The following CTNNA3 variants were observed in gnomAD, a reference collection of about 807,000 sequenced individuals.
CTNNA3 encodes catenin alpha-3.
Under a neutral mutation model 95.7 loss-of-function variants are expected in CTNNA3, and 76 were observed. The observed-to-expected ratio is 0.79, with a 90% CI of 0.66 to 0.96. CTNNA3 has a LOEUF of 0.96. Ranked by LOEUF, CTNNA3 falls within the 40% of genes least tolerant of loss-of-function variation. The pLI, the probability that CTNNA3 is intolerant of heterozygous loss-of-function variation, is 0.00. For synonymous variants in CTNNA3, 431 were observed against 374.4 expected (o/e 1.15, Z -1.74); for missense variants, 1,191 against 1,089.8 (o/e 1.09, Z -1.31).
chr10:66,904,743 T>G (rs1845910939), intron 7 of CTNNA3, among the ~76,000 whole-genome samples: 1 of 152,208 alleles, frequency 6.6e-6, no homozygotes, highest in Non-Finnish European at 1.5e-5. Context: ...AAGACATTTA[T>G]GCAGCAGCCA....
chr10:67,559,929 T>C (rs1329374217), intron 3 of CTNNA3, among the ~76,000 whole-genome samples: 1 of 151,450 alleles, frequency 6.6e-6, no homozygotes, highest in Admixed American at 6.6e-5. Flanking sequence ...AGAAGGGAAG[T>C]TTAGAGAAAA....
At position 67,679,473 on chromosome 10, in the gene CTNNA3, T is replaced by C. The variant is rs574349316; in HGVS notation, c.-6+16527A>G. Among the ~76,000 whole-genome samples the C allele has an allele frequency of 4.6e-4, 70 of 152,338 alleles. 1 individual carries two copies. The South Asian group carries it at 0.014, about 31-fold the overall frequency. On this transcript the variant is annotated intron_variant, in intron 1 of 17. Transcript: ENST00000433211. ...GGAAAATGAGAGTGGTAACAGAATATTGGGAATTCACAAATGTTTTCCCAT... is the reference window on the plus strand; with the variant it reads ...GGAAAATGAGAGTGGTAACAGAATACTGGGAATTCACAAATGTTTTCCCAT...
At chr10:66,324,437 T>A (rs530782133) in intron 12 of CTNNA3, among the ~76,000 whole-genome samples, 1 of 152,178 alleles carries the variant, frequency 6.6e-6, no homozygotes, top group Non-Finnish European at 1.5e-5. Flanking sequence ...ACTCTGGCCT[T>A]CTGCCCTTGC....
intron 7 of CTNNA3, among the ~76,000 whole-genome samples, chr10:66,825,525 G>A (rs1006799518): frequency 4.6e-5 from 7 of 151,818 alleles, no homozygotes; most frequent in Admixed American, 3.3e-4. Context: ...TGATCTACCC[G>A]CCTCAGCCTC....
intron 1 of CTNNA3, among the ~76,000 whole-genome samples, chr10:67,728,020 A>G (rs1180874809): frequency 7.1e-6 from 1 of 140,978 alleles, no homozygotes; most frequent in Non-Finnish European, 1.5e-5. Context: ...TATATATCAT[A>G]TATTATATAT....
At chr10:67,479,628 G>C (rs1848143293) in intron 5 of CTNNA3, among the ~76,000 whole-genome samples, 1 of 152,012 alleles carries the variant, frequency 6.6e-6, no homozygotes. Flanking sequence ...GCCTACATCA[G>C]GAATTTAGAG....
chr10:67,275,947 G>A (rs1439327685), intron 5 of CTNNA3, among the ~76,000 whole-genome samples: 1 of 152,014 alleles, frequency 6.6e-6, no homozygotes, highest in Admixed American at 6.6e-5. Flanking sequence ...AATCCGAATG[G>A]CACTGAGCAT....
chr10:66,115,787 C>T (rs1010125014), intron 13 of CTNNA3, among the ~76,000 whole-genome samples: 12 of 152,036 alleles, frequency 7.9e-5, no homozygotes, highest in Middle Eastern at 6.8e-3. Context: ...GTTCCAGCCA[C>T]GGATGTTAAG....
Position 67,539,420 on chromosome 10 carries a change from T to C in CTNNA3, c.459+83A>G, listed in dbSNP as rs1316762272. On this transcript the variant is annotated intron_variant, in intron 4 of 17. Coordinates refer to ENST00000433211, the MANE Select transcript of CTNNA3 (RefSeq NM_013266.4). Reference sequence around the variant, plus strand: ...TTAAGAAATGAGAGTGAAGCCAAGATGCACTAGGATCGACGCCAGGTTCAG... The same window carrying C: ...TTAAGAAATGAGAGTGAAGCCAAGACGCACTAGGATCGACGCCAGGTTCAG... 3 of 1,443,040 alleles carry C rather than the reference T, an allele frequency of 2.1e-6. No homozygotes were observed. In the African/African-American group the frequency reaches 4.2e-5, roughly 20 times the overall value. 89.4% of individuals were successfully genotyped at this position (1,443,040 alleles called of 1,614,324 possible).
chr10:66,542,316 T>C (rs1440826684), intron 10 of CTNNA3, among the ~76,000 whole-genome samples: 2 of 152,096 alleles, frequency 1.3e-5, no homozygotes, highest in Non-Finnish European at 1.5e-5. Flanking sequence ...TCAACCATTG[T>C]GGAAGACAGT....
chr10:66,972,002 T>C (rs1849749547), intron 7 of CTNNA3, among the ~76,000 whole-genome samples: 1 of 152,166 alleles, frequency 6.6e-6, no homozygotes. Flanking sequence ...CCCATGACTC[T>C]TGAAAATTTT....
At chr10:67,464,545 G>C (rs2133005735) in intron 5 of CTNNA3, among the ~76,000 whole-genome samples, 1 of 152,218 alleles carries the variant, frequency 6.6e-6, no homozygotes, top group Non-Finnish European at 1.5e-5. Context: ...TAGTGGCTGA[G>C]TATTAAACCT....
chr10:66,010,256 C>G (rs2078979087), intron 15 of CTNNA3, among the ~76,000 whole-genome samples: 1 of 152,010 alleles, frequency 6.6e-6, no homozygotes, highest in African/African-American at 2.4e-5. Flanking sequence ...CTGTCAATGA[C>G]CATAAGGACA....
chr10:67,353,539 T>A lies in CTNNA3; in HGVS notation c.580-133669A>T, dbSNP rs1019287332. Among the ~76,000 whole-genome samples the A allele has an allele frequency of 1.5e-4, 23 of 151,548 alleles. No homozygotes were observed. In the East Asian group the frequency reaches 4.3e-3, roughly 28 times the overall value. On this transcript the variant is annotated intron_variant, in intron 5 of 17. Coordinates refer to ENST00000433211, the MANE Select transcript of CTNNA3 (RefSeq NM_013266.4). ...AGTTAAATTTGATGTTTACTTAGAA[T>A]GCCTCCCTTGACAAGCAAATCATCA... is the stretch of plus-strand genomic sequence containing the variant.
intron 9 of CTNNA3, among the ~76,000 whole-genome samples, chr10:66,718,079 T>A (rs990975105): frequency 1.3e-5 from 2 of 151,948 alleles, no homozygotes; most frequent in African/African-American, 4.8e-5. Context: ...GGCACCAAAC[T>A]TTTATAGTTT....
chr10:67,430,862 C>A (rs1418833212), intron 5 of CTNNA3, among the ~76,000 whole-genome samples: 5 of 151,436 alleles, frequency 3.3e-5, no homozygotes, highest in African/African-American at 1.2e-4. Context: ...CACCCTCACA[C>A]ATTTCGCCTA....
At chr10:67,713,796 G>A (rs916703573) in intron 1 of CTNNA3, among the ~76,000 whole-genome samples, 1 of 152,140 alleles carries the variant, frequency 6.6e-6, no homozygotes, top group African/African-American at 2.4e-5. Flanking sequence ...GGGATGGGAG[G>A]AAAGGGGATG....
chr10:67,413,316 A>T (rs1845437778), intron 5 of CTNNA3, among the ~76,000 whole-genome samples: 2 of 152,134 alleles, frequency 1.3e-5, no homozygotes, highest in Admixed American at 6.5e-5. Flanking sequence ...CAGATAAAAC[A>T]GATTTTAAAC....
At chr10:66,485,875 T>G (rs1283295074) in intron 11 of CTNNA3, among the ~76,000 whole-genome samples, 1 of 152,114 alleles carries the variant, frequency 6.6e-6, no homozygotes. Context: ...AACAGCATGG[T>G]TGGCATAAAA....
Sources: allele counts gnomAD v4.1 joint callset (sites outside exome capture counted in the v4.1 genomes callset), GRCh38; gene constraint gnomAD v4.1.1; transcripts MANE v1.5; gene names NCBI Gene and HGNC (gene_info 2026-07-23, HGNC 2026-07-21).